Variants in ATP8A1 observed in about 807,000 individuals in gnomAD.
ATP8A1 encodes the protein ATPase phospholipid transporting 8A1, also known as phospholipid-transporting ATPase IA.
A neutral mutation model predicts 177.7 loss-of-function variants in ATP8A1; 90 were observed. That is an observed-to-expected ratio of 0.51 (90% CI 0.43 to 0.60). ATP8A1 has a LOEUF of 0.60. ATP8A1 is among the 20% of genes least tolerant of loss of function. The probability of loss-of-function intolerance (pLI) is 0.00; values close to 1 mark genes in which losing one functional copy is unlikely to be tolerated. For synonymous variants in ATP8A1, 493 were observed against 485.9 expected, an observed-to-expected ratio of 1.01 and a Z score of -0.19; for missense variants, 1,072 against 1,392.8, an observed-to-expected ratio of 0.77 and a Z score of 3.67.
intron 33 of ATP8A1, among the ~76,000 whole-genome samples, chr4:42,435,745 C>A (rs963892984): frequency 2.0e-5 from 3 of 152,148 alleles, no homozygotes; most frequent in Non-Finnish European, 4.4e-5. Context: ...ACTCCTTGAG[C>A]GTGAAATGCT....
chr4:42,536,048 AG>A (rs1171216312), intron 20 of ATP8A1, among the ~76,000 whole-genome samples: 1 of 152,234 alleles, frequency 6.6e-6, no homozygotes, highest in African/African-American at 2.4e-5. Context: ...TCACACCTCA[AG>A]GAACTAGGGG....
intron 5 of ATP8A1, among the ~76,000 whole-genome samples, chr4:42,611,902 T>C (rs1224567325): frequency 6.6e-6 from 1 of 152,144 alleles, no homozygotes; most frequent in Non-Finnish European, 1.5e-5. Context: ...TGTAGACACA[T>C]GGAGGAGGCT....
intron 30 of ATP8A1, among the ~76,000 whole-genome samples, chr4:42,447,889 A>G (rs895883744): frequency 2.6e-5 from 4 of 152,170 alleles, no homozygotes; most frequent in African/African-American, 9.7e-5. Flanking sequence ...CTGTATGTAA[A>G]TCACCAAGCA....
At chr4:42,471,384 C>T (rs191686194) in intron 25 of ATP8A1, among the ~76,000 whole-genome samples, 7 of 152,076 alleles carry the variant, frequency 4.6e-5, no homozygotes, top group Admixed American at 3.9e-4. Context: ...TTCCATAGGA[C>T]AAAAAAGGAA....
intron 1 of ATP8A1, among the ~76,000 whole-genome samples, chr4:42,639,842 T>C (rs1422489770): frequency 6.6e-6 from 1 of 152,212 alleles, no homozygotes; most frequent in African/African-American, 2.4e-5. Flanking sequence ...TCAATTACCT[T>C]ATATAAAGTG....
At chr4:42,572,661 G>A (rs753019676) in intron 14 of ATP8A1, among the ~76,000 whole-genome samples, 13 of 152,162 alleles carry the variant, frequency 8.5e-5, no homozygotes, top group Non-Finnish European at 1.9e-4. Context: ...TTGAAAATAT[G>A]ATACCATAAC....
At chr4:42,447,173 C>T (rs1486580905) in intron 30 of ATP8A1, among the ~76,000 whole-genome samples, 1 of 152,096 alleles carries the variant, frequency 6.6e-6, no homozygotes, top group African/African-American at 2.4e-5. Context: ...GACTAACAAA[C>T]GTGGCTTTAT....
chr4:42,581,285 T>C lies in ATP8A1; in HGVS notation c.834+336A>G, dbSNP rs1317656788. ...AGTAGCTGGGATTACAGGTGTCCAC[T>C]ACCACGCCCGGCTAATTTTTTGTAT... On this transcript the variant is annotated intron_variant, in intron 10 of 36. Coordinates refer to ENST00000381668, the MANE Select transcript of ATP8A1 (RefSeq NM_006095.2). Among the ~76,000 whole-genome samples, 11 of 152,176 alleles carry C rather than the reference T, an allele frequency of 7.2e-5. No homozygotes were observed. In the East Asian group the frequency reaches 7.7e-4, roughly 11 times the overall value.
intron 30 of ATP8A1, among the ~76,000 whole-genome samples, chr4:42,450,162 A>G (rs1717777994): frequency 6.6e-6 from 1 of 152,244 alleles, no homozygotes; most frequent in South Asian, 2.1e-4. Flanking sequence ...TATCTATACC[A>G]TGGAATATTA....
intron 1 of ATP8A1, among the ~76,000 whole-genome samples, chr4:42,652,499 C>CA (rs1283175023): frequency 6.6e-6 from 1 of 151,538 alleles, no homozygotes; most frequent in Non-Finnish European, 1.5e-5. Flanking sequence ...TTGCTTTTTT[C>CA]AAAAAAGTCC....
intron 1 of ATP8A1, among the ~76,000 whole-genome samples, chr4:42,627,808 C>G (rs1333243926): frequency 6.6e-6 from 1 of 152,160 alleles, no homozygotes; most frequent in East Asian, 1.9e-4. Context: ...TTTGTGTCTT[C>G]TAGTGAAAAA....
At chr4:42,578,216 C>T (rs887860221) in intron 12 of ATP8A1, 44 bp downstream of exon 12, 19 of 1,507,824 alleles carry the variant, frequency 1.3e-5, no homozygotes, top group Admixed American at 2.2e-5. Context: ...ATCCTAAGGA[C>T]AAAATTATTT....
At chr4:42,574,890 T>G (rs1458750637) in intron 13 of ATP8A1, among the ~76,000 whole-genome samples, 183 bp from the exon 14 acceptor site, 1 of 152,208 alleles carries the variant, frequency 6.6e-6, no homozygotes, top group African/African-American at 2.4e-5. Flanking sequence ...CAAATGAATC[T>G]TTTCACATAT....
At chr4:42,573,733 A>AT (rs201096909) in intron 14 of ATP8A1, among the ~76,000 whole-genome samples, 2,362 of 152,308 alleles carry the variant, frequency 0.016, 61 homozygotes, top group African/African-American at 0.053. Flanking sequence ...TAACTAAGGC[A>AT]TTTCAAAATG....
intron 15 of ATP8A1, among the ~76,000 whole-genome samples, chr4:42,558,565 A>G (rs1329552330): frequency 1.3e-5 from 2 of 152,230 alleles, no homozygotes; most frequent in Non-Finnish European, 2.9e-5. Context: ...TAAAATATTC[A>G]AAGAATATAT....
intron 20 of ATP8A1, among the ~76,000 whole-genome samples, chr4:42,525,352 G>T (rs780570821): frequency 3.9e-5 from 6 of 152,174 alleles, no homozygotes; most frequent in Non-Finnish European, 5.9e-5. Flanking sequence ...TTGAATCACA[G>T]AACTTTTTAG....
chr4:42,454,151 C>T (rs1254348564), intron 29 of ATP8A1, among the ~76,000 whole-genome samples: 1 of 152,126 alleles, frequency 6.6e-6, no homozygotes, highest in Non-Finnish European at 1.5e-5. Flanking sequence ...AAAACAGTGC[C>T]ACCAAGTTGT....
At chr4:42,453,150 T>C (rs892477465) in intron 29 of ATP8A1, among the ~76,000 whole-genome samples, 1 of 152,214 alleles carries the variant, frequency 6.6e-6, no homozygotes, top group African/African-American at 2.4e-5. Context: ...CTGATACTTA[T>C]TGTCACATGC....
intron 1 of ATP8A1, among the ~76,000 whole-genome samples, chr4:42,636,156 A>ACACACACACACGCGCGTGCGCG (rs565139270): frequency 1.1e-5 from 1 of 90,898 alleles, no homozygotes; most frequent in East Asian, 3.4e-4. Flanking sequence ...ACACACACAC[A>ACACACACACACGCGCGTGCGCG]CGCACACACA....
Sources: allele counts gnomAD v4.1 joint callset (sites outside exome capture counted in the v4.1 genomes callset), GRCh38; gene constraint gnomAD v4.1.1; transcripts MANE v1.5; gene names NCBI Gene and HGNC (gene_info 2026-07-23, HGNC 2026-07-21).